EPHA5: variants seen among roughly 807,000 people sequenced by gnomAD.
EPHA5 encodes the protein ephrin type-A receptor 5.
In EPHA5, 60 loss-of-function variants were observed where a neutral mutation model predicts 105.0. The observed-to-expected ratio is 0.57, with a 90% CI of 0.46 to 0.71. EPHA5 has a LOEUF of 0.71. Among genes scored for constraint, EPHA5 ranks in the 30% least tolerant of loss-of-function variants. The probability of loss-of-function intolerance (pLI) is 0.00; values close to 1 mark genes in which losing one functional copy is unlikely to be tolerated. For missense variants in EPHA5, 1,218 were observed against 1,274.7 expected (o/e 0.96, Z 0.68); for synonymous variants, 513 against 449.1 (o/e 1.14, Z -1.80).
chr4:65,498,808 T>C (rs1289845507), intron 3 of EPHA5, among the ~76,000 whole-genome samples: 2 of 151,610 alleles, frequency 1.3e-5, no homozygotes. Context: ...TGCAAATAGA[T>C]GTTTAGAGAG....
At chr4:65,476,127 A>AGAGAGAGTGTGTGTGTGT (rs1425495059) in intron 5 of EPHA5, among the ~76,000 whole-genome samples, 1 of 119,106 alleles carries the variant, frequency 8.4e-6, no homozygotes, top group African/African-American at 3.1e-5. Flanking sequence ...AGAGAGAGAG[A>AGAGAGAGTGTGTGTGTGT]GTGTGTGTGT....
At chr4:65,483,220 A>G (rs1455205281) in intron 5 of EPHA5, among the ~76,000 whole-genome samples, 1 of 152,196 alleles carries the variant, frequency 6.6e-6, no homozygotes, top group Non-Finnish European at 1.5e-5. Flanking sequence ...ATAGTATTCC[A>G]TAGTGTATAT....
At chr4:65,518,424 C>A (rs1734317702) in intron 3 of EPHA5, among the ~76,000 whole-genome samples, 1 of 151,812 alleles carries the variant, frequency 6.6e-6, no homozygotes, top group South Asian at 2.1e-4. Context: ...TATTCACACA[C>A]ACACACACAC....
rs548353072 is a variant in EPHA5, at chr4:65,409,852, T to C, written c.1687+4432A>G. ...AACAGTGATTTTCAAAATAATGAGA[T>C]ATCACTACCCACTTATTCAAAATGA... On this transcript the variant is annotated intron_variant, in intron 7 of 16. Coordinates refer to ENST00000613740, the MANE Select transcript of EPHA5 (RefSeq NM_001281766.3). Among the ~76,000 whole-genome samples, 124 of 152,182 alleles carry C rather than the reference T, an allele frequency of 8.1e-4. 1 individual carries two copies. The highest frequency in any genetic ancestry group is 1.3e-3 in the Non-Finnish European group (91 of 68,018).
At chr4:65,504,056 A>C (rs1207084945) in intron 3 of EPHA5, among the ~76,000 whole-genome samples, 1 of 151,582 alleles carries the variant, frequency 6.6e-6, no homozygotes, top group Non-Finnish European at 1.5e-5. Flanking sequence ...ATCATAAATA[A>C]AATAAAGCTG....
intron 3 of EPHA5, among the ~76,000 whole-genome samples, chr4:65,535,684 T>C (rs1198416797): frequency 6.6e-6 from 1 of 151,990 alleles, no homozygotes; most frequent in Non-Finnish European, 1.5e-5. Context: ...TATACCACTG[T>C]TTAATATTGA....
At chr4:65,574,723 TATATATACATATATATATAC>T (rs775417055) in intron 3 of EPHA5, among the ~76,000 whole-genome samples, 4,494 of 111,080 alleles carry the variant, frequency 0.04, 266 homozygotes, top group African/African-American at 0.11. Context: ...TATATATACA[TATATATACATATATATATAC>T]ATATATATAT....
At chr4:65,483,927 A>C (rs1049361990) in intron 5 of EPHA5, among the ~76,000 whole-genome samples, 1 of 152,204 alleles carries the variant, frequency 6.6e-6, no homozygotes, top group Non-Finnish European at 1.5e-5. Flanking sequence ...GCCGTCATAA[A>C]GAACATGGAA....
intron 3 of EPHA5, among the ~76,000 whole-genome samples, chr4:65,509,867 A>G (rs1397342286): frequency 3.3e-5 from 5 of 152,156 alleles, no homozygotes; most frequent in African/African-American, 7.2e-5. Context: ...TTTTATAAGT[A>G]CAATGCTAGA....
intron 14 of EPHA5, among the ~76,000 whole-genome samples, chr4:65,345,716 C>T (rs148857834): frequency 1.3e-5 from 2 of 152,364 alleles, no homozygotes; most frequent in Non-Finnish European, 2.9e-5. Flanking sequence ...ATTTGTCTCA[C>T]AGGAGGCATC....
At chr4:65,507,682 G>T (rs1228381977) in intron 3 of EPHA5, among the ~76,000 whole-genome samples, 1 of 152,086 alleles carries the variant, frequency 6.6e-6, no homozygotes, top group East Asian at 1.9e-4. Context: ...TGTTATTCGT[G>T]TATAAGAATG....
chr4:65,652,717 T>C (rs1748717024), intron 1 of EPHA5, among the ~76,000 whole-genome samples: 1 of 152,126 alleles, frequency 6.6e-6, no homozygotes, highest in Non-Finnish European at 1.5e-5. Context: ...GAAGCCAGCA[T>C]CACCATAATG....
intron 7 of EPHA5, among the ~76,000 whole-genome samples, chr4:65,410,505 G>A (rs1396837303): frequency 2.6e-5 from 4 of 152,096 alleles, no homozygotes; most frequent in East Asian, 1.9e-4. Context: ...ACTTGAGGTC[G>A]GTGGTAGATA....
chr4:65,564,624 C>T (rs979176587), intron 3 of EPHA5, among the ~76,000 whole-genome samples: 1 of 151,604 alleles, frequency 6.6e-6, no homozygotes, highest in African/African-American at 2.4e-5. Flanking sequence ...CTACATGTAC[C>T]AAGTTATTTA....
intron 5 of EPHA5, among the ~76,000 whole-genome samples, chr4:65,444,948 T>A (rs2149093963): frequency 6.6e-6 from 1 of 152,270 alleles, no homozygotes; most frequent in Admixed American, 6.5e-5. Flanking sequence ...AACACATTTT[T>A]ATTTTGTTTA....
rs144155140 is a variant in EPHA5, at chr4:65,442,870, A to G, written c.1403-22305T>C. On this transcript the variant is annotated intron_variant, in intron 5 of 16. Coordinates refer to ENST00000613740, the MANE Select transcript of EPHA5 (RefSeq NM_001281766.3). Reference sequence around the variant, plus strand: ...AAGAAACTGAAATGCAGAGGAGGGTAAGTGACTTGTGGCAGTCAGAGTCAC... The same window carrying G: ...AAGAAACTGAAATGCAGAGGAGGGTGAGTGACTTGTGGCAGTCAGAGTCAC... 1.2e-4 allele frequency among the ~76,000 whole-genome samples: 19 copies of G among 152,254 alleles called. No individual in the cohort carries two copies. The East Asian group carries it at 3.7e-3, about 30-fold the overall frequency.
At chr4:65,557,372 T>C (rs1260357735) in intron 3 of EPHA5, among the ~76,000 whole-genome samples, 2 of 149,926 alleles carry the variant, frequency 1.3e-5, no homozygotes, top group Non-Finnish European at 3.0e-5. Context: ...AAAATTAAAG[T>C]TAGTTAAATA....
chr4:65,641,844 G>GA (rs558675799), intron 2 of EPHA5, among the ~76,000 whole-genome samples: 6 of 151,158 alleles, frequency 4.0e-5, no homozygotes, highest in Admixed American at 6.6e-5. Flanking sequence ...AATAATAATA[G>GA]AAAAAAAAGA....
At chr4:65,537,358 A>T (rs1306411839) in intron 3 of EPHA5, among the ~76,000 whole-genome samples, 2 of 151,908 alleles carry the variant, frequency 1.3e-5, no homozygotes, top group East Asian at 3.9e-4. Flanking sequence ...CCACATAGAA[A>T]AATTCAAGTT....
Sources: allele counts gnomAD v4.1 joint callset (sites outside exome capture counted in the v4.1 genomes callset), GRCh38; gene constraint gnomAD v4.1.1; transcripts MANE v1.5; gene names NCBI Gene and HGNC (gene_info 2026-07-23, HGNC 2026-07-21).